DENND1B: variants seen among roughly 807,000 people sequenced by gnomAD.
DENND1B encodes DENN domain-containing protein 1B.
Under a neutral mutation model 90.1 loss-of-function variants are expected in DENND1B, and 59 were observed. The observed-to-expected ratio is 0.65, with a 90% CI of 0.53 to 0.81. The LOEUF (loss-of-function observed/expected upper bound fraction) is 0.81, where lower values mean the gene tolerates loss of function less well. DENND1B is among the 40% of genes least tolerant of loss of function. The pLI is 0.00. For missense variants in DENND1B, 862 were observed against 912.6 expected, an observed-to-expected ratio of 0.94 and a Z score of 0.71; for synonymous variants, 337 against 324.6, an observed-to-expected ratio of 1.04 and a Z score of -0.41.
At chr1:197,745,851 T>G (rs1203256841) in intron 2 of DENND1B, among the ~76,000 whole-genome samples, 1 of 151,956 alleles carries the variant, frequency 6.6e-6, no homozygotes, top group Non-Finnish European at 1.5e-5. Flanking sequence ...TGCCCCTTTC[T>G]TTATTGTAAC....
chr1:197,539,892 G>T (rs769012585), intron 20 of DENND1B, 72 bp downstream of exon 20: 1 of 1,266,390 alleles, frequency 7.9e-7, no homozygotes, highest in Non-Finnish European at 1.1e-6. Flanking sequence ...GATCCAAATT[G>T]TTCCTAAATA....
At chr1:197,587,036 G>A (rs10754226) in intron 14 of DENND1B, among the ~76,000 whole-genome samples, 145,787 of 152,226 alleles carry the variant, frequency 0.96, 70,106 homozygotes, top group South Asian at 1. Flanking sequence ...GGCACCAACA[G>A]TATCTACTAC....
At chr1:197,592,108 CAAAA>C (rs71286564) in intron 14 of DENND1B, among the ~76,000 whole-genome samples, 2 of 55,816 alleles carry the variant, frequency 3.6e-5, no homozygotes, top group African/African-American at 1.7e-4. Flanking sequence ...GATTCCATCT[CAAAA>C]AAAAAAAAAA....
At chr1:197,520,608 C>T (rs1313373790) in intron 20 of DENND1B, among the ~76,000 whole-genome samples, 1 of 151,886 alleles carries the variant, frequency 6.6e-6, no homozygotes, top group African/African-American at 2.4e-5. Flanking sequence ...CACATTAACA[C>T]TGGTTATTTC....
intron 18 of DENND1B, 42 bp from the exon 19 acceptor site, chr1:197,541,057 A>G (rs1332820155): frequency 1.3e-6 from 2 of 1,550,430 alleles, no homozygotes. Context: ...GGATGGTTCC[A>G]TTACCATTTA....
intron 2 of DENND1B, among the ~76,000 whole-genome samples, chr1:197,756,575 C>CAAA (rs57605617): frequency 1.7e-4 from 9 of 53,954 alleles, no homozygotes; most frequent in African/African-American, 4.8e-4. Context: ...GTCTCCATCT[C>CAAA]AAAAAAAAAA....
intron 20 of DENND1B, among the ~76,000 whole-genome samples, chr1:197,536,430 TCTGCTTTTATAAATAAA>T (rs1481573071): frequency 6.6e-6 from 1 of 152,192 alleles, no homozygotes; most frequent in South Asian, 2.1e-4. Flanking sequence ...ACGTACCCGC[TCTGCTTTTATAAATAAA>T]CTGTTGGCCA....
At chr1:197,639,935 CTTTT>C (rs904801504) in intron 10 of DENND1B, among the ~76,000 whole-genome samples, 2 of 152,044 alleles carry the variant, frequency 1.3e-5, no homozygotes, top group Non-Finnish European at 2.9e-5. Flanking sequence ...AATTATGTTT[CTTTT>C]ATCAGCCCAA....
chr1:197,645,727 G>C lies in DENND1B; in HGVS notation c.524C>G (p.Ala175Gly), dbSNP rs1168672193. 6.4e-6 allele frequency: 10 copies of C among 1,572,096 alleles called. No individual in the cohort carries two copies. The highest frequency in any genetic ancestry group is 8.6e-6 in the Non-Finnish European group (10 of 1,159,136). The change falls in exon 9 of 23, where the codon GCC (alanine) becomes GGC (glycine). Residue 175 changes from alanine to glycine, a missense_variant. Ala to Gly is a moderately conservative substitution (Grantham distance 60). Transcript: ENST00000620048. ...TGTTGGGAGTCCAGTTACATCAGGG[G>C]CAATGAAGTAGGAATGCTAATCAAT... ...PALVPHSYFI[A>G]PDVTGLPTIP...
upstream of DENND1B, among the ~76,000 whole-genome samples, chr1:197,780,113 T>C (rs553233849): frequency 6.6e-6 from 1 of 152,302 alleles, no homozygotes; most frequent in African/African-American, 2.4e-5. Context: ...CTATGAATCC[T>C]CTGGGAAGCT....
intron 3 of DENND1B, among the ~76,000 whole-genome samples, chr1:197,713,801 T>TTATAATATATATAATATATTATA (rs1660243684): frequency 3.1e-5 from 1 of 32,586 alleles, no homozygotes; most frequent in South Asian, 1.3e-3. Flanking sequence ...TATTATTATA[T>TTATAATATATATAATATATTATA]TATAATATAT....
intron 1 of DENND1B, among the ~76,000 whole-genome samples, chr1:197,774,053 T>A (rs999796115): frequency 1.3e-5 from 2 of 152,244 alleles, no homozygotes; most frequent in Non-Finnish European, 2.9e-5. Flanking sequence ...TACATTTTTT[T>A]AGCCTTTCCG....
intron 2 of DENND1B, among the ~76,000 whole-genome samples, chr1:197,729,417 C>G (rs551561523): frequency 6.6e-6 from 1 of 152,182 alleles, no homozygotes; most frequent in African/African-American, 2.4e-5. Flanking sequence ...TAACAAGTAG[C>G]TGGCTTACCC....
intron 18 of DENND1B, chr1:197,545,575 T>C (rs1309908243): frequency 5.0e-6 from 1 of 201,602 alleles, no homozygotes; most frequent in Non-Finnish European, 9.9e-6. Flanking sequence ...TTTTTTTTTT[T>C]CTACTTGAGC....
At position 197,508,998 on chromosome 1, in the gene DENND1B, T is replaced by C. The variant is rs535459084; in HGVS notation, c.*1462A>G. The C allele has an allele frequency of 4.0e-5, 6 of 151,708 alleles. No individual in the cohort carries two copies. Among genetic ancestry groups the C allele is most frequent in the Non-Finnish European group, 8.8e-5 (6 of 67,818 alleles). 9.4% of individuals were successfully genotyped at this position (151,708 alleles called of 1,614,324 possible). A position where few individuals can be genotyped will look rare whatever the true frequency, so the allele number is the denominator to read the frequency against. Reference sequence around the variant, plus strand: ...ACTCCTCACTCCTGCATGTAGTGACTTCCTTCCAAAAATGACAGCATGGAA... The same window carrying C: ...ACTCCTCACTCCTGCATGTAGTGACCTCCTTCCAAAAATGACAGCATGGAA... On this transcript the variant is annotated 3_prime_UTR_variant, in exon 23 of 23. Transcript: ENST00000620048.
chr1:197,570,685 C>A (rs1305578761), intron 15 of DENND1B, among the ~76,000 whole-genome samples: 3 of 152,016 alleles, frequency 2.0e-5, no homozygotes, highest in Non-Finnish European at 4.4e-5. Context: ...AAGAGGTTAC[C>A]TTTAATGAAA....
Position 197,629,443 on chromosome 1 carries a change from C to A in DENND1B, c.673-11684G>T, listed in dbSNP as rs574057624. Among the ~76,000 whole-genome samples, 5 of 148,928 alleles carry A rather than the reference C, an allele frequency of 3.4e-5. No individual in the cohort carries two copies. In the South Asian group the frequency reaches 1.1e-3, roughly 31 times the overall value. On this transcript the variant is annotated intron_variant, in intron 10 of 22. Transcript: ENST00000620048. ...ATCGCAAGGACAGAAAACCAAACACCGCATGTTCTCACTCATAGGTGGGAA... is the reference window on the plus strand; with the variant it reads ...ATCGCAAGGACAGAAAACCAAACACAGCATGTTCTCACTCATAGGTGGGAA...
intron 17 of DENND1B, 129 bp from the exon 18 acceptor site, chr1:197,546,119 T>C: frequency 2.1e-6 from 1 of 480,166 alleles, no homozygotes; most frequent in Non-Finnish European, 3.2e-6. Context: ...ATACAAATTA[T>C]TTCATGTTCA....
intron 20 of DENND1B, among the ~76,000 whole-genome samples, chr1:197,526,661 T>C (rs1669154048): frequency 6.6e-6 from 1 of 152,146 alleles, no homozygotes; most frequent in African/African-American, 2.4e-5. Flanking sequence ...AACTTTAAAA[T>C]GTCTCAAAAT....
Sources: allele counts gnomAD v4.1 joint callset (sites outside exome capture counted in the v4.1 genomes callset), GRCh38; gene constraint gnomAD v4.1.1; transcripts MANE v1.5; gene names NCBI Gene and HGNC (gene_info 2026-07-23, HGNC 2026-07-21).